The following ZNF148 variants were observed in gnomAD, a reference collection of about 807,000 sequenced individuals.
ZNF148 encodes Beta-Enolase Repressor Factor-1.
Under a neutral mutation model 67.7 loss-of-function variants are expected in ZNF148, and 7 were observed. The observed-to-expected ratio is 0.10, with a 90% CI of 0.06 to 0.19. The LOEUF is 0.19. ZNF148 is among the 10% of genes least tolerant of loss of function. The probability of loss-of-function intolerance (pLI) is 1.00; values close to 1 mark genes in which losing one functional copy is unlikely to be tolerated. For missense variants in ZNF148, 583 were observed against 947.1 expected (o/e 0.62, Z 5.05); for synonymous variants, 333 against 330.7 (o/e 1.01, Z -0.08).
chr3:125,263,396 C>T (rs1455254476), intron 7 of ZNF148, among the ~76,000 whole-genome samples: 1 of 152,034 alleles, frequency 6.6e-6, no homozygotes, highest in Non-Finnish European at 1.5e-5. Flanking sequence ...ACTACAAATA[C>T]AAAAATTAGC....
chr3:125,310,201 T>A (rs1940125177), intron 4 of ZNF148, among the ~76,000 whole-genome samples: 1 of 150,854 alleles, frequency 6.6e-6, no homozygotes, highest in African/African-American at 2.4e-5. Context: ...TGCCTCAGCC[T>A]CCCACATAGC....
At position 125,234,074 on chromosome 3, in the gene ZNF148, C is replaced by T. The variant is rs1935974514; in HGVS notation, c.787-135G>A. 6.3e-6 allele frequency: 8 copies of T among 1,279,376 alleles called. No individual in the cohort carries two copies. In the South Asian group the frequency reaches 1.3e-4, roughly 20 times the overall value. 79.3% of individuals were successfully genotyped at this position (1,279,376 alleles called of 1,614,324 possible). A position where few individuals can be genotyped will look rare whatever the true frequency, so the allele number is the denominator to read the frequency against. Reference sequence around the variant, plus strand: ...ATAATTCCAAACAAATTCACTGAGCCAATTTTCTATTATAAATCTAATCTG... The same window carrying T: ...ATAATTCCAAACAAATTCACTGAGCTAATTTTCTATTATAAATCTAATCTG... On this transcript the variant is annotated intron_variant, in intron 8 of 8. Transcript: ENST00000360647.
At chr3:125,356,348 A>G (rs1000223146) in intron 1 of ZNF148, among the ~76,000 whole-genome samples, 1 of 152,236 alleles carries the variant, frequency 6.6e-6, no homozygotes, top group African/African-American at 2.4e-5. Context: ...TTCCAGCTCC[A>G]AAACAGACTG....
rs533079762 is a variant in ZNF148 at position 125,325,413 on chromosome 3, G to C, written c.-152-1969C>G. 2.6e-5 allele frequency among the ~76,000 whole-genome samples: 4 copies of C among 151,144 alleles called. No individual in the cohort carries two copies. The East Asian group carries it at 7.7e-4, about 29-fold the overall frequency. ...ACATTTTGAGTACCAGGAAAGAAGA[G>C]AAAGAGCAGAAAAAAAAAATTAATA... On this transcript the variant is annotated intron_variant, in intron 2 of 8. Coordinates refer to ENST00000360647, the MANE Select transcript of ZNF148 (RefSeq NM_021964.3).
chr3:125,358,012 T>C lies in ZNF148; in HGVS notation c.-234+17090A>G, dbSNP rs528372316. Among the ~76,000 whole-genome samples the C allele has an allele frequency of 7.9e-5, 12 of 152,296 alleles. No homozygotes were observed. In the East Asian group the frequency reaches 2.3e-3, roughly 29 times the overall value. ...CATTTTACTTTTCTAATACTTGAAG[T>C]AACAAGCTTCATAAATCGGACCGGC... On this transcript the variant is annotated intron_variant, in intron 1 of 8. Transcript: ENST00000360647.
chr3:125,323,804 C>T (rs1269479516), intron 2 of ZNF148, among the ~76,000 whole-genome samples: 4 of 151,804 alleles, frequency 2.6e-5, no homozygotes, highest in African/African-American at 9.7e-5. Flanking sequence ...ACTAAAAATA[C>T]AAAAAATTAG....
chr3:125,302,376 TC>T (rs895284558), intron 4 of ZNF148, among the ~76,000 whole-genome samples: 1 of 143,552 alleles, frequency 7.0e-6, no homozygotes, highest in African/African-American at 2.6e-5. Context: ...AGACCCTGTC[TC>T]AAAAAAAAAA....
chr3:125,362,041 A>G (rs1942559052), intron 1 of ZNF148, among the ~76,000 whole-genome samples: 1 of 152,024 alleles, frequency 6.6e-6, no homozygotes, highest in Non-Finnish European at 1.5e-5. Context: ...TATTCTCACT[A>G]TGCATCTCCC....
chr3:125,300,925 G>A (rs1939554562), intron 4 of ZNF148, among the ~76,000 whole-genome samples: 1 of 150,714 alleles, frequency 6.6e-6, no homozygotes, highest in Non-Finnish European at 1.5e-5. Context: ...CCTCCTGAAT[G>A]GGTCTGATAA....
intron 1 of ZNF148, among the ~76,000 whole-genome samples, chr3:125,337,143 T>A (rs1941533570): frequency 6.6e-6 from 1 of 151,350 alleles, no homozygotes; most frequent in Non-Finnish European, 1.5e-5. Flanking sequence ...CTGAGCAAAA[T>A]GAGTAAAATA....
chr3:125,369,873 G>A (rs1211221572), intron 1 of ZNF148, among the ~76,000 whole-genome samples: 10 of 145,614 alleles, frequency 6.9e-5, no homozygotes. Context: ...CTACTTGGGA[G>A]GCTGAGGCAG....
rs370488435 is a variant in ZNF148, at chr3:125,336,761, C to T, written c.-233-5523G>A. Among the ~76,000 whole-genome samples the T allele has an allele frequency of 2.2e-4, 33 of 147,306 alleles. 1 individual carries two copies. Among genetic ancestry groups the T allele is most frequent in the African/African-American group, 8.0e-4 (32 of 39,886 alleles). On this transcript the variant is annotated intron_variant, in intron 1 of 8. Transcript: ENST00000360647. ...GTACAATCTCAGCTCACCACAACCT[C>T]CACCTCCCAGGTTCAAGTGATTCCC...
At chr3:125,253,382 AT>A (rs1043548792) in intron 7 of ZNF148, among the ~76,000 whole-genome samples, 5 of 152,062 alleles carry the variant, frequency 3.3e-5, no homozygotes, top group African/African-American at 1.2e-4. Flanking sequence ...GTTATTTTGA[AT>A]TTTCTATGTA....
intron 7 of ZNF148, among the ~76,000 whole-genome samples, chr3:125,235,018 G>A (rs897684243): frequency 2.6e-5 from 4 of 152,034 alleles, no homozygotes; most frequent in African/African-American, 7.2e-5. Flanking sequence ...ACTGGCCCCC[G>A]CAATGATTTC....
At chr3:125,266,271 AT>A (rs1489517218) in intron 7 of ZNF148, among the ~76,000 whole-genome samples, 10 of 151,698 alleles carry the variant, frequency 6.6e-5, no homozygotes, top group African/African-American at 2.2e-4. Context: ...TAGAAAATAC[AT>A]TTTTCTCATT....
intron 1 of ZNF148, among the ~76,000 whole-genome samples, chr3:125,343,569 C>T (rs190911878): frequency 3.3e-5 from 5 of 151,590 alleles, no homozygotes; most frequent in East Asian, 3.9e-4. Context: ...CTCTGTAAAA[C>T]GCACCAATCA....
chr3:125,315,330 C>A (rs1444235356), intron 3 of ZNF148, among the ~76,000 whole-genome samples: 1 of 152,036 alleles, frequency 6.6e-6, no homozygotes, highest in Non-Finnish European at 1.5e-5. Flanking sequence ...AATAAACTGA[C>A]AGGAACACTA....
chr3:125,281,110 T>C (rs1323708060), intron 5 of ZNF148, among the ~76,000 whole-genome samples: 1 of 152,228 alleles, frequency 6.6e-6, no homozygotes, highest in African/African-American at 2.4e-5. Context: ...ATGCAAATTA[T>C]ACAGGGCATT....
chr3:125,281,549 G>C (rs1938387148), intron 5 of ZNF148, among the ~76,000 whole-genome samples: 1 of 152,236 alleles, frequency 6.6e-6, no homozygotes, highest in South Asian at 2.1e-4. Flanking sequence ...TGCAAGGAAA[G>C]GCTTTGTAAA....
Sources: allele counts gnomAD v4.1 joint callset (sites outside exome capture counted in the v4.1 genomes callset), GRCh38; gene constraint gnomAD v4.1.1; transcripts MANE v1.5; gene names NCBI Gene and HGNC (gene_info 2026-07-23, HGNC 2026-07-21).